Variants in CFAP61 observed in about 807,000 individuals in gnomAD.
CFAP61 encodes cilia and flagella associated protein 61, also known as cilia- and flagella-associated protein 61.
A neutral mutation model predicts 135.6 loss-of-function variants in CFAP61; 107 were observed. The ratio of observed to expected loss-of-function variants is 0.79; its 90% CI spans 0.67 to 0.93. The LOEUF (loss-of-function observed/expected upper bound fraction) is 0.93. Ranked by LOEUF, CFAP61 falls within the 40% of genes least tolerant of loss-of-function variation. The probability of loss-of-function intolerance (pLI) is 0.00; values close to 1 mark genes in which losing one functional copy is unlikely to be tolerated. For synonymous variants in CFAP61, 575 were observed against 578.5 expected (o/e 0.99, Z 0.09); for missense variants, 1,507 against 1,556.2 (o/e 0.97, Z 0.53).
intron 9 of CFAP61, among the ~76,000 whole-genome samples, chr20:20,153,261 C>T (rs191677135): frequency 3.4e-4 from 52 of 152,086 alleles, no homozygotes; most frequent in Admixed American, 1.0e-3. Flanking sequence ...ATGCCTACAT[C>T]GAAAAGTCTG....
At chr20:20,217,844 T>C (rs1039779731) in intron 17 of CFAP61, among the ~76,000 whole-genome samples, 11 of 152,204 alleles carry the variant, frequency 7.2e-5, no homozygotes, top group Admixed American at 5.9e-4. Flanking sequence ...TTGTATTGCC[T>C]CTGCATGACC....
chr20:20,060,855 C>T (rs2044745928), intron 2 of CFAP61, among the ~76,000 whole-genome samples: 2 of 152,226 alleles, frequency 1.3e-5, no homozygotes, highest in Admixed American at 1.3e-4. Context: ...GTGGGTGCTT[C>T]ATTTGACAGC....
intron 2 of CFAP61, among the ~76,000 whole-genome samples, chr20:20,057,120 TAA>T (rs752860141): frequency 1.6e-4 from 16 of 102,086 alleles, no homozygotes; most frequent in East Asian, 2.6e-4. Context: ...CTGTCTCAAT[TAA>T]AAAAAAAAAA....
chr20:20,118,121 T>C (rs778611819), intron 8 of CFAP61, among the ~76,000 whole-genome samples: 3 of 152,154 alleles, frequency 2.0e-5, no homozygotes, highest in Non-Finnish European at 4.4e-5. Context: ...TAGTATTATG[T>C]TGAATAAAAG....
At chr20:20,132,306 A>G (rs1203032926) in intron 8 of CFAP61, among the ~76,000 whole-genome samples, 16 of 152,162 alleles carry the variant, frequency 1.1e-4, no homozygotes, top group African/African-American at 3.6e-4. Context: ...TATATATGCC[A>G]CATTTTCTTT....
intron 17 of CFAP61, among the ~76,000 whole-genome samples, chr20:20,223,532 T>G (rs2048535685): frequency 6.6e-6 from 1 of 152,222 alleles, no homozygotes; most frequent in Non-Finnish European, 1.5e-5. Context: ...GTATTTATTT[T>G]TATTGCTCTC....
At chr20:20,329,950 G>A (rs561028062) in intron 25 of CFAP61, among the ~76,000 whole-genome samples, 12 of 152,304 alleles carry the variant, frequency 7.9e-5, no homozygotes, top group South Asian at 6.2e-4. Context: ...TTACATGTCC[G>A]TCATCTCTTG....
At chr20:20,142,993 T>G in intron 9 of CFAP61, 45 bp downstream of exon 9, 1 of 1,195,426 alleles carries the variant, frequency 8.4e-7, no homozygotes, top group East Asian at 2.5e-5. Flanking sequence ...GGGATGGGCC[T>G]GGGGGCTACC....
intron 11 of CFAP61, 44 bp from the exon 12 acceptor site, chr20:20,166,353 A>C (rs1256104987): frequency 6.4e-7 from 1 of 1,569,982 alleles, no homozygotes; most frequent in African/African-American, 1.4e-5. Flanking sequence ...CTGATGTTGC[A>C]TTTGCTTGCA....
chr20:20,340,240 A>G (rs1020553141), intron 25 of CFAP61, among the ~76,000 whole-genome samples: 1 of 152,360 alleles, frequency 6.6e-6, no homozygotes, highest in Middle Eastern at 3.4e-3. Context: ...TCTATTTCTG[A>G]AATAAAACCT....
chr20:20,089,777 A>G (rs1375208790), intron 6 of CFAP61, among the ~76,000 whole-genome samples: 1 of 152,226 alleles, frequency 6.6e-6, no homozygotes, highest in Non-Finnish European at 1.5e-5. Context: ...CCTGTGCCAG[A>G]CTAGTTGTCA....
At chr20:20,089,587 GAA>G (rs11468839) in intron 6 of CFAP61, among the ~76,000 whole-genome samples, 7,071 of 136,130 alleles carry the variant, frequency 0.052, 538 homozygotes, top group African/African-American at 0.17. Context: ...GAGTATCAGA[GAA>G]AAAAAAAAAA....
chr20:20,303,054 G>A (rs2056207241), intron 25 of CFAP61, among the ~76,000 whole-genome samples: 1 of 152,116 alleles, frequency 6.6e-6, no homozygotes, highest in Non-Finnish European at 1.5e-5. Flanking sequence ...TTTAAAAAAT[G>A]AATTCATTTG....
chr20:20,341,257 T>C (rs796573803), intron 25 of CFAP61, among the ~76,000 whole-genome samples: 4 of 152,324 alleles, frequency 2.6e-5, no homozygotes, highest in African/African-American at 9.6e-5. Flanking sequence ...AGGATAATCT[T>C]ATTGTTCTCC....
At chr20:20,105,734 C>T (rs1356790493) in intron 8 of CFAP61, among the ~76,000 whole-genome samples, 1 of 151,688 alleles carries the variant, frequency 6.6e-6, no homozygotes, top group Non-Finnish European at 1.5e-5. Flanking sequence ...CAGGTTCACA[C>T]CATTCTCCTG....
chr20:20,287,490 A>T (rs1164075403), intron 22 of CFAP61, among the ~76,000 whole-genome samples: 1 of 152,220 alleles, frequency 6.6e-6, no homozygotes, highest in Admixed American at 6.5e-5. Context: ...ATTAATTTAG[A>T]TGTAAATATT....
At chr20:20,096,986 G>A (rs977089853) in intron 7 of CFAP61, among the ~76,000 whole-genome samples, 1 of 152,002 alleles carries the variant, frequency 6.6e-6, no homozygotes. Flanking sequence ...TCATATTTCA[G>A]TATTGAGAAG....
intron 24 of CFAP61, among the ~76,000 whole-genome samples, chr20:20,293,590 T>G (rs1038735782): frequency 1.4e-4 from 22 of 152,218 alleles, no homozygotes; most frequent in African/African-American, 5.3e-4. Context: ...CCAGAGAAAT[T>G]GAATTACTAT....
intron 7 of CFAP61, among the ~76,000 whole-genome samples, chr20:20,091,461 C>A (rs34623263): frequency 6.6e-6 from 1 of 151,570 alleles, no homozygotes; most frequent in Non-Finnish European, 1.5e-5. Flanking sequence ...TTCTCTTGTT[C>A]AACCTTTCTA....
Sources: allele counts gnomAD v4.1 joint callset (sites outside exome capture counted in the v4.1 genomes callset), GRCh38; gene constraint gnomAD v4.1.1; transcripts MANE v1.5; gene names NCBI Gene and HGNC (gene_info 2026-07-23, HGNC 2026-07-21).